The following CDH4 variants were observed in gnomAD, a reference collection of about 807,000 sequenced individuals.
The protein encoded by CDH4 is cadherin 4.
In CDH4, 33 loss-of-function variants were observed where a neutral mutation model predicts 86.0. The ratio of observed to expected loss-of-function variants is 0.38; its 90% confidence interval spans 0.29 to 0.51. The LOEUF (loss-of-function observed/expected upper bound fraction) is 0.51, where lower values mean the gene tolerates loss of function less well. CDH4 is among the 20% of genes least tolerant of loss of function. CDH4 has a pLI of 0.86. For missense variants in CDH4, 1,114 were observed against 1,307.4 expected (o/e 0.85, Z 2.28); for synonymous variants, 555 against 549.4 (o/e 1.01, Z -0.14).
At chr20:61,285,710 A>T (rs1388451506) in intron 2 of CDH4, among the ~76,000 whole-genome samples, 1 of 152,216 alleles carries the variant, frequency 6.6e-6, no homozygotes, top group Non-Finnish European at 1.5e-5. Context: ...CCAATTTCTC[A>T]CTTCCTTTTT....
chr20:61,736,141 C>T (rs1046330451), intron 2 of CDH4, among the ~76,000 whole-genome samples: 1 of 152,170 alleles, frequency 6.6e-6, no homozygotes, highest in Non-Finnish European at 1.5e-5. Context: ...CATGCAACAT[C>T]TCCTGGGCCA....
intron 2 of CDH4, among the ~76,000 whole-genome samples, chr20:61,685,554 G>A (rs1442491556): frequency 1.3e-5 from 2 of 152,202 alleles, no homozygotes; most frequent in Non-Finnish European, 2.9e-5. Flanking sequence ...CCACCACCCC[G>A]CTGTTTGTGG....
chr20:61,635,429 C>G (rs548588559), intron 2 of CDH4, among the ~76,000 whole-genome samples: 1 of 152,208 alleles, frequency 6.6e-6, no homozygotes, highest in Non-Finnish European at 1.5e-5. Flanking sequence ...GGTGATGTGC[C>G]CTCACCCATC....
intron 2 of CDH4, among the ~76,000 whole-genome samples, chr20:61,395,362 C>T (rs1196784800): frequency 2.0e-5 from 3 of 152,148 alleles, no homozygotes; most frequent in Non-Finnish European, 4.4e-5. Context: ...TAATTATTAA[C>T]AGCAGAAGAA....
intron 2 of CDH4, among the ~76,000 whole-genome samples, chr20:61,420,446 C>G (rs1334693628): frequency 6.6e-6 from 1 of 152,218 alleles, no homozygotes; most frequent in Non-Finnish European, 1.5e-5. Flanking sequence ...CCCACAGGGT[C>G]CCCAGGGGTG....
At chr20:61,823,295 G>A in intron 4 of CDH4, among the ~76,000 whole-genome samples, 1 of 20 alleles carries the variant, frequency 0.05, no homozygotes, top group African/African-American at 0.25. Context: ...TGGTAATGGT[G>A]ATGATCATGG....
chr20:61,594,821 TG>T (rs1336002730), intron 2 of CDH4, among the ~76,000 whole-genome samples: 1 of 152,230 alleles, frequency 6.6e-6, no homozygotes, highest in East Asian at 1.9e-4. Flanking sequence ...CAGACACTGT[TG>T]GCTTTTTCAA....
chr20:61,583,153 A>G (rs35567247), intron 2 of CDH4, among the ~76,000 whole-genome samples: 37,228 of 60,356 alleles, frequency 0.62, 13,086 homozygotes, highest in Admixed American at 0.69. Flanking sequence ...GGCTCTGCGG[A>G]GGGACAGAGG....
chr20:61,519,227 G>A (rs1248051063), intron 2 of CDH4, among the ~76,000 whole-genome samples: 6 of 152,226 alleles, frequency 3.9e-5, no homozygotes, highest in South Asian at 4.1e-4. Flanking sequence ...ATAGGATGAT[G>A]TGTGCCTCTG....
chr20:61,611,146 A>G (rs1264632575), intron 2 of CDH4, among the ~76,000 whole-genome samples: 1 of 151,934 alleles, frequency 6.6e-6, no homozygotes, highest in Non-Finnish European at 1.5e-5. Context: ...GCAGGTTGGG[A>G]TAGTCCCCAA....
intron 2 of CDH4, among the ~76,000 whole-genome samples, chr20:61,481,103 A>G (rs2085565683): frequency 6.6e-6 from 1 of 152,190 alleles, no homozygotes; most frequent in African/African-American, 2.4e-5. Context: ...CTAGAACTCA[A>G]GTCTCCCAGT....
chr20:61,366,488 A>G (rs1473256773), intron 2 of CDH4, among the ~76,000 whole-genome samples: 4 of 152,254 alleles, frequency 2.6e-5, no homozygotes, highest in Non-Finnish European at 4.4e-5. Context: ...CAGCCTTCAG[A>G]GCTGACAGCC....
intron 2 of CDH4, among the ~76,000 whole-genome samples, chr20:61,305,345 C>T (rs941727643): frequency 2.0e-5 from 3 of 152,186 alleles, no homozygotes; most frequent in Non-Finnish European, 4.4e-5. Flanking sequence ...AGTCTTCAGG[C>T]ATCTAGTGAT....
intron 2 of CDH4, among the ~76,000 whole-genome samples, chr20:61,627,706 C>A (rs2086842377): frequency 6.6e-6 from 1 of 152,236 alleles, no homozygotes; most frequent in Middle Eastern, 3.4e-3. Flanking sequence ...CGCCCCCCGA[C>A]TCGACTTGAG....
chr20:61,598,122 G>T (rs1348081176), intron 2 of CDH4, among the ~76,000 whole-genome samples: 1 of 152,194 alleles, frequency 6.6e-6, no homozygotes, highest in Non-Finnish European at 1.5e-5. Flanking sequence ...CACTGTGGGG[G>T]TGATGGTGAC....
intron 2 of CDH4, among the ~76,000 whole-genome samples, chr20:61,574,296 G>C (rs2086366494): frequency 6.6e-6 from 1 of 152,266 alleles, no homozygotes; most frequent in African/African-American, 2.4e-5. Flanking sequence ...GCAAATGCCT[G>C]TGTGCCTCAC....
At chr20:61,411,934 G>A (rs1031445843) in intron 2 of CDH4, among the ~76,000 whole-genome samples, 1 of 152,228 alleles carries the variant, frequency 6.6e-6, no homozygotes, top group Non-Finnish European at 1.5e-5. Context: ...GAGAGACCAA[G>A]GCCTGATTTC....
chr20:61,500,502 C>T (rs763308467), intron 2 of CDH4, among the ~76,000 whole-genome samples: 8 of 152,174 alleles, frequency 5.3e-5, no homozygotes, highest in Non-Finnish European at 1.0e-4. Flanking sequence ...TGTCTCAGGC[C>T]CTGCAGCTCA....
intron 2 of CDH4, among the ~76,000 whole-genome samples, chr20:61,453,139 C>A (rs902553451): frequency 4.6e-5 from 7 of 152,024 alleles, no homozygotes; most frequent in African/African-American, 1.2e-4. Flanking sequence ...GGAAAAAAGC[C>A]AATGAAAGAG....
Sources: allele counts gnomAD v4.1 joint callset (sites outside exome capture counted in the v4.1 genomes callset), GRCh38; gene constraint gnomAD v4.1.1; transcripts MANE v1.5; gene names NCBI Gene and HGNC (gene_info 2026-07-23, HGNC 2026-07-21).